Variants in ADAMTSL1 observed in about 807,000 individuals in gnomAD.
ADAMTSL1 encodes ADAMTS like 1, also known as ADAMTS-like protein 1.
A neutral mutation model predicts 201.8 loss-of-function variants in ADAMTSL1; 126 were observed. The ratio of observed to expected loss-of-function variants is 0.62; its 90% CI spans 0.54 to 0.72. The LOEUF is 0.72. ADAMTSL1 is among the 30% of genes least tolerant of loss of function. The pLI, the probability that ADAMTSL1 is intolerant of heterozygous loss-of-function variation, is 0.00. For missense variants in ADAMTSL1, 2,679 were observed against 2,277.8 expected, an observed-to-expected ratio of 1.18 and a Z score of -3.59; for synonymous variants, 1,121 against 903.4, an observed-to-expected ratio of 1.24 and a Z score of -4.32.
chr9:18,179,740 A>G (rs549269393), intron 2 of ADAMTSL1, among the ~76,000 whole-genome samples: 10 of 152,318 alleles, frequency 6.6e-5, no homozygotes, highest in African/African-American at 2.2e-4. Flanking sequence ...TAAAGAAAAG[A>G]ATTTTCAACC....
At chr9:18,483,735 G>C (rs554931201) in intron 1 of ADAMTSL1, among the ~76,000 whole-genome samples, 5 of 152,300 alleles carry the variant, frequency 3.3e-5, no homozygotes, top group African/African-American at 9.6e-5. Context: ...GCTGAGGCAG[G>C]AGAATGGCGT....
chr9:18,215,472 A>G (rs1161664075), intron 2 of ADAMTSL1, among the ~76,000 whole-genome samples: 2 of 152,222 alleles, frequency 1.3e-5, no homozygotes, highest in Admixed American at 6.5e-5. Flanking sequence ...TGACTCATCT[A>G]TACATTACTG....
At chr9:18,598,134 G>A (rs1358449303) in intron 4 of ADAMTSL1, among the ~76,000 whole-genome samples, 2 of 152,210 alleles carry the variant, frequency 1.3e-5, no homozygotes, top group Non-Finnish European at 2.9e-5. Flanking sequence ...CAAATTCAGA[G>A]ACCCTGGGGA....
intron 2 of ADAMTSL1, among the ~76,000 whole-genome samples, chr9:18,378,473 G>A (rs951503979): frequency 1.2e-4 from 18 of 152,184 alleles, no homozygotes; most frequent in Admixed American, 6.5e-5. Context: ...TTTTAAAGAT[G>A]AGATATATCA....
At chr9:18,480,732 A>C (rs1821682814) in intron 1 of ADAMTSL1, among the ~76,000 whole-genome samples, 1 of 152,230 alleles carries the variant, frequency 6.6e-6, no homozygotes, top group Non-Finnish European at 1.5e-5. Context: ...ACAAGATGCC[A>C]CATCATTCTA....
chr9:17,943,438 G>A (rs1827323173), intron 1 of ADAMTSL1, among the ~76,000 whole-genome samples: 1 of 152,196 alleles, frequency 6.6e-6, no homozygotes, highest in East Asian at 1.9e-4. Context: ...GCAGGTCAAG[G>A]CAGAGATAAT....
intron 2 of ADAMTSL1, among the ~76,000 whole-genome samples, chr9:18,357,315 G>T (rs184840194): frequency 2.0e-5 from 3 of 152,178 alleles, no homozygotes; most frequent in South Asian, 2.1e-4. Flanking sequence ...TTGATTAGGA[G>T]CTTTAATTAA....
intron 2 of ADAMTSL1, among the ~76,000 whole-genome samples, chr9:18,346,059 G>C (rs746309192): frequency 1.3e-5 from 2 of 152,076 alleles, no homozygotes; most frequent in Non-Finnish European, 2.9e-5. Context: ...TCTCCAATCT[G>C]TACCTTATCC....
chr9:18,110,274 C>T (rs1461460484), intron 1 of ADAMTSL1, among the ~76,000 whole-genome samples: 3 of 152,174 alleles, frequency 2.0e-5, no homozygotes, highest in Admixed American at 6.5e-5. Context: ...TCTGGCATCT[C>T]AAGGGTCTTC....
At chr9:18,750,495 A>G (rs1348182462) in intron 15 of ADAMTSL1, among the ~76,000 whole-genome samples, 2 of 152,214 alleles carry the variant, frequency 1.3e-5, no homozygotes, top group Non-Finnish European at 2.9e-5. Flanking sequence ...GTGTGAATAT[A>G]TCATAATTTT....
chr9:18,244,181 A>G (rs1477574160), intron 2 of ADAMTSL1, among the ~76,000 whole-genome samples: 1 of 151,788 alleles, frequency 6.6e-6, no homozygotes, highest in African/African-American at 2.4e-5. Flanking sequence ...CAGATGTTGC[A>G]TTTGGGAAAG....
At chr9:18,146,396 T>G (rs1826644009) in intron 1 of ADAMTSL1, among the ~76,000 whole-genome samples, 1 of 152,168 alleles carries the variant, frequency 6.6e-6, no homozygotes, top group Non-Finnish European at 1.5e-5. Context: ...TAAAGAGGTA[T>G]GAGCTATCAA....
At chr9:18,524,923 C>T (rs1283984695) in intron 2 of ADAMTSL1, among the ~76,000 whole-genome samples, 1 of 152,150 alleles carries the variant, frequency 6.6e-6, no homozygotes, top group Admixed American at 6.5e-5. Context: ...GTGTCTGTGC[C>T]AGGCTTTGGT....
At position 18,777,099 on chromosome 9, in the gene ADAMTSL1, T is replaced by G; in HGVS notation, c.2870T>G (p.Val957Gly). 6.2e-7 allele frequency: 1 copy of G among 1,613,116 alleles called. No homozygotes were observed. The highest frequency in any genetic ancestry group is 8.5e-7 in the Non-Finnish European group (1 of 1,179,782). Residue 957 changes from valine (V) to glycine (G), a missense_variant, in exon 19 of 29, where the codon GTG becomes GGG. Physicochemically the swap from Val to Gly is moderately radical, Grantham distance 109. Coordinates refer to ENST00000380548, the MANE Select transcript of ADAMTSL1 (RefSeq NM_001040272.6). ...CSAGPAREHF[V>G]IKLIGGNRKL... ...GCGGGCCCGGCCCGGGAGCACTTTG[T>G]GATTAAGCTCATCGGAGGCAACCGC...
rs537429390 is a variant in ADAMTSL1, at chr9:18,563,045, G to A, written c.238-10985G>A. ...ATACATCAAACTCATTCCCCATCCA[G>A]TTTTCTTCCCTTGCTGGCAAGGAGT... On this transcript the variant is annotated intron_variant, in intron 3 of 28. Transcript: ENST00000380548. Among the ~76,000 whole-genome samples, 4 of 152,280 alleles carry A rather than the reference G, an allele frequency of 2.6e-5. No homozygotes were observed. The South Asian group carries it at 8.3e-4, about 32-fold the overall frequency.
At chr9:18,239,031 A>C (rs1459499046) in intron 2 of ADAMTSL1, among the ~76,000 whole-genome samples, 1 of 152,218 alleles carries the variant, frequency 6.6e-6, no homozygotes, top group Admixed American at 6.5e-5. Context: ...TTATAATAGC[A>C]TTATGTCTAT....
chr9:18,051,681 A>G (rs1003491035), intron 1 of ADAMTSL1, among the ~76,000 whole-genome samples: 5 of 152,126 alleles, frequency 3.3e-5, no homozygotes, highest in African/African-American at 9.7e-5. Flanking sequence ...TACTCATGGC[A>G]CAAATGAAAC....
At chr9:18,846,225 C>G (rs576555360) in intron 23 of ADAMTSL1, among the ~76,000 whole-genome samples, 48 of 152,220 alleles carry the variant, frequency 3.2e-4, no homozygotes, top group African/African-American at 1.0e-3. Flanking sequence ...AGTGTGATTC[C>G]AGTGGGGGCA....
chr9:18,275,610 T>G (rs980209918), intron 2 of ADAMTSL1, among the ~76,000 whole-genome samples: 39 of 152,292 alleles, frequency 2.6e-4, no homozygotes, highest in African/African-American at 9.1e-4. Context: ...TGAAATCAGA[T>G]AATATATAAT....
Sources: gnomAD v4.1 joint callset for allele counts (sites outside exome capture counted in the v4.1 genomes callset) on GRCh38, gnomAD v4.1.1 for gene constraint, MANE v1.5 for transcripts, NCBI Gene and HGNC (gene_info 2026-07-23, HGNC 2026-07-21) for gene names.